DNMT3L: variants seen among roughly 807,000 people sequenced by gnomAD.
The protein encoded by DNMT3L is DNA (cytosine-5)-methyltransferase 3-like.
A neutral mutation model predicts 36.2 loss-of-function variants in DNMT3L; 33 were observed. The ratio of observed to expected loss-of-function variants is 0.91; its 90% CI spans 0.69 to 1.22. The LOEUF is 1.22. Ranked by LOEUF, DNMT3L falls within the 50% of genes most tolerant of loss-of-function variation. The pLI, the probability that DNMT3L is intolerant of heterozygous loss-of-function variation, is 0.00. For synonymous variants in DNMT3L, 117 were observed against 121.7 expected (o/e 0.96, Z 0.26); for missense variants, 310 against 303.1 (o/e 1.02, Z -0.17).
At chr21:44,254,286 C>T (rs2040240388) in intron 8 of DNMT3L, among the ~76,000 whole-genome samples, 1 of 152,220 alleles carries the variant, frequency 6.6e-6, no homozygotes, top group African/African-American at 2.4e-5. Flanking sequence ...TGGAATTTGG[C>T]TACTTAGATT....
intron 7 of DNMT3L, 117 bp downstream of exon 7, chr21:44,255,950 C>T (rs1885641695): frequency 2.0e-6 from 2 of 1,007,364 alleles, no homozygotes; most frequent in Non-Finnish European, 3.0e-6. Context: ...GGGTACAGGA[C>T]ATCAGCAGTT....
At chr21:44,259,842 T>C in intron 3 of DNMT3L, 131 bp from the exon 4 acceptor site, 2 of 954,682 alleles carry the variant, frequency 2.1e-6, no homozygotes, top group South Asian at 3.1e-5. Flanking sequence ...TGGAAGATGT[T>C]AAGGAAGATG....
At chr21:44,261,004 C>G in intron 2 of DNMT3L, 150 bp downstream of exon 2, 1 of 1,347,850 alleles carries the variant, frequency 7.4e-7, no homozygotes, top group Non-Finnish European at 1.0e-6. Context: ...ACGCCCATAC[C>G]TGGGGGAAGA....
chr21:44,258,790 A>T lies in DNMT3L; in HGVS notation c.345-96T>A. 2.0e-6 allele frequency: 3 copies of T among 1,483,876 alleles called. No homozygotes were observed. The highest frequency in any genetic ancestry group is 4.8e-5 in the East Asian group (2 of 41,880). 91.9% of individuals were successfully genotyped at this position (1,483,876 alleles called of 1,614,324 possible). A position where few individuals can be genotyped will look rare whatever the true frequency, so the allele number is the denominator to read the frequency against. The stretch of plus-strand genomic sequence containing the variant: ...CTGATTGAGCCTTGTTTTGGAGGGA[A>T]AAGTCACGCTGGAGCTCCCTTTGGG... On this transcript the variant is annotated intron_variant, in intron 5 of 11. Transcript: ENST00000628202. The surrounding 1 kb of genome is among the most constrained non-coding windows in gnomAD (Gnocchi z 6.2).
chr21:44,259,520 G>A lies in DNMT3L; in HGVS notation c.261C>T (p.Tyr87=), dbSNP rs377755717. The A allele has an allele frequency of 2.3e-5, 37 of 1,613,602 alleles. No individual in the cohort carries two copies. The highest frequency in any genetic ancestry group is 1.6e-4 in the Middle Eastern group (1 of 6,084). ...KDKFLDALFL[Y]DDDGYQSYCS... ...AGTAGGATTGGTACCCGTCATCGTC[G>A]TACAGGAAGAGGGCATCCAGGAACT... Residue 87 remains tyrosine, a synonymous_variant, in exon 5 of 12, where the codon TAC becomes TAT. Transcript: ENST00000628202.
intron 3 of DNMT3L, 36 bp from the exon 4 acceptor site, chr21:44,259,747 A>G: frequency 1.9e-6 from 3 of 1,583,366 alleles, no homozygotes; most frequent in Non-Finnish European, 2.6e-6. Flanking sequence ...GTGTTTTCCC[A>G]GTGCTGTCAA....
rs1175506834 is a variant in DNMT3L, at chr21:44,260,819, T to C, written c.127A>G (p.Lys43Glu). 6.2e-7 allele frequency: 1 copy of C among 1,613,220 alleles called. No individual in the cohort carries two copies. The highest frequency in any genetic ancestry group is 8.5e-7 in the Non-Finnish European group (1 of 1,179,912). The part of the protein sequence containing the change: ...TGRDLIAYEV[K>E]ANQRNIEDIC... ...CCTTCTATATTTCGCTGGTTAGCCT[T>C]GACTTCATATGCAATAAGATCTGGA... The change falls in exon 3 of 12, where the codon AAG becomes GAG. Residue 43 changes from lysine to glutamate, a missense_variant. Physicochemically the swap from Lys to Glu is moderately conservative, Grantham distance 56. Coordinates refer to ENST00000628202, the MANE Select transcript of DNMT3L (RefSeq NM_175867.3).
intron 7 of DNMT3L, 87 bp downstream of exon 7, chr21:44,255,980 G>A: frequency 1.4e-6 from 2 of 1,379,356 alleles, no homozygotes; most frequent in Non-Finnish European, 1.0e-6. Context: ...AGGGGAGGGG[G>A]TGGGGAGTCC....
rs1239397116 is a variant in DNMT3L at position 44,258,388 on chromosome 21, C to A, written c.516+135G>T. 2.3e-6 allele frequency: 3 copies of A among 1,281,462 alleles called. No homozygotes were observed. The allele number at this position is 1,281,462 out of a possible 1,614,324, so 79.4% of individuals were successfully genotyped here. On this transcript the variant is annotated intron_variant, in intron 6 of 11. Transcript: ENST00000628202. This position sits in a 1 kb window ranked among gnomAD's most constrained non-coding sequence, Gnocchi z 6.2. ...TGGAAGCCACTATCGGAGAGGAACC[C>A]AGGAAAGAGTGTTTGCTCCCGAGGC...
chr21:44,253,563 C>A (rs1568914305), intron 8 of DNMT3L, among the ~76,000 whole-genome samples: 1 of 151,814 alleles, frequency 6.6e-6, no homozygotes, highest in African/African-American at 2.4e-5. Flanking sequence ...CTAAAAAATA[C>A]AAAAAATTAG....
chr21:44,258,444 A>T lies in DNMT3L; in HGVS notation c.516+79T>A, dbSNP rs937035119. ...CCGTGGTGCCCGTCGGCGCGCCTGC[A>T]TTCTGCAGCGGGAACCGAGGGAAGG... On this transcript the variant is annotated intron_variant, in intron 6 of 11. Coordinates refer to ENST00000628202, the MANE Select transcript of DNMT3L (RefSeq NM_175867.3). This position sits in a 1 kb window ranked among gnomAD's most constrained non-coding sequence, Gnocchi z 6.2. 7.5e-6 allele frequency: 11 copies of T among 1,462,478 alleles called. No homozygotes were observed. Among genetic ancestry groups the T allele is most frequent in the South Asian group, 1.4e-5 (1 of 71,356 alleles). 90.6% of individuals were successfully genotyped at this position (1,462,478 alleles called of 1,614,324 possible). A position where few individuals can be genotyped will look rare whatever the true frequency, so the allele number is the denominator to read the frequency against.
intron 3 of DNMT3L, 83 bp from the exon 4 acceptor site, chr21:44,259,794 A>G (rs2040300495): frequency 7.1e-7 from 1 of 1,411,974 alleles, no homozygotes; most frequent in Non-Finnish European, 9.8e-7. Context: ...TAGCCAAACA[A>G]ATATGAGACT....
intron 7 of DNMT3L, 105 bp from the exon 8 acceptor site, chr21:44,254,810 G>T: frequency 1.8e-6 from 2 of 1,088,754 alleles, no homozygotes; most frequent in Middle Eastern, 2.3e-4. Context: ...CTACCATTAA[G>T]GAGCCAACTG....
chr21:44,261,583 C>G (rs1461198744), intron 1 of DNMT3L, among the ~76,000 whole-genome samples, 157 bp downstream of exon 1: 1 of 152,214 alleles, frequency 6.6e-6, no homozygotes, highest in Non-Finnish European at 1.5e-5. Context: ...GCCGCTGCAG[C>G]CCCTGCTTTC....
chr21:44,254,515 C>A, intron 8 of DNMT3L, 102 bp downstream of exon 8: 1 of 1,346,322 alleles, frequency 7.4e-7, no homozygotes, highest in Non-Finnish European at 1.0e-6. Flanking sequence ...CCTCCCAGCC[C>A]CTGCTGCCGC....
chr21:44,259,425 C>G lies in DNMT3L; in HGVS notation c.344+12G>C. ...AGCCCCTTCACCCCCCTGGGCAGGCCCCTCGCCTCACCGGGTGCAATCAGG... is the reference window on the plus strand; with the variant it reads ...AGCCCCTTCACCCCCCTGGGCAGGCGCCTCGCCTCACCGGGTGCAATCAGG... On this transcript the variant is annotated intron_variant, in intron 5 of 11. Coordinates refer to ENST00000628202, the MANE Select transcript of DNMT3L (RefSeq NM_175867.3). The G allele has an allele frequency of 6.2e-7, 1 of 1,613,272 alleles. No individual in the cohort carries two copies. Among genetic ancestry groups the G allele is most frequent in the African/African-American group, 1.3e-5 (1 of 75,038 alleles).
chr21:44,260,359 T>C (rs2040306472), intron 3 of DNMT3L, among the ~76,000 whole-genome samples: 1 of 152,208 alleles, frequency 6.6e-6, no homozygotes, highest in African/African-American at 2.4e-5. Context: ...GTGATGATGG[T>C]TGCTGACTCT....
chr21:44,256,959 A>G (rs988565393), intron 6 of DNMT3L, among the ~76,000 whole-genome samples: 1 of 151,466 alleles, frequency 6.6e-6, no homozygotes, highest in African/African-American at 2.4e-5. Context: ...TTCAACCTTA[A>G]CAAATGTGAG....
chr21:44,254,599 G>T lies in DNMT3L; in HGVS notation c.693+18C>A. 1.2e-6 allele frequency: 2 copies of T among 1,613,282 alleles called. No homozygotes were observed. Among genetic ancestry groups the T allele is most frequent in the Non-Finnish European group, 1.7e-6 (2 of 1,179,568 alleles). On this transcript the variant is annotated intron_variant, in intron 8 of 11. Transcript: ENST00000628202. ...CCCGCTCCCACTACAGTGTCTGAGA[G>T]TTCACGGCGGTACTCACATCCTTCC... is the stretch of plus-strand genomic sequence containing the variant.
Sources: allele counts gnomAD v4.1 joint callset (sites outside exome capture counted in the v4.1 genomes callset), GRCh38; gene constraint gnomAD v4.1.1; non-coding constraint Gnocchi (gnomAD v3.1); transcripts MANE v1.5; gene names NCBI Gene and HGNC (gene_info 2026-07-23, HGNC 2026-07-21).